LRRC8D: variants seen among roughly 807,000 people sequenced by gnomAD.
LRRC8D encodes the protein volume-regulated anion channel subunit LRRC8D.
Under a neutral mutation model 55.8 loss-of-function variants are expected in LRRC8D, and 20 were observed. That is an observed-to-expected ratio of 0.36 (90% CI 0.25 to 0.52). The LOEUF is 0.52. Ranked by LOEUF, LRRC8D falls within the 20% of genes least tolerant of loss-of-function variation. LRRC8D has a pLI of 0.93. For synonymous variants in LRRC8D, 352 were observed against 377.0 expected, an observed-to-expected ratio of 0.93 and a Z score of 0.77; for missense variants, 651 against 1,030.8, an observed-to-expected ratio of 0.63 and a Z score of 5.05.
rs375812263 is a variant in LRRC8D, at chr1:89,851,513, C to CT, written c.-3+7744dup. Among the ~76,000 whole-genome samples the CT allele has an allele frequency of 9.1e-3, 1,315 of 144,138 alleles. 21 individuals are homozygous for CT. Among genetic ancestry groups the CT allele is most frequent in the African/African-American group, 0.027 (1,084 of 39,714 alleles). The allele number at this position is 144,138 out of a possible 152,430, so 94.6% of individuals were successfully genotyped here. On this transcript the variant is annotated intron_variant, in intron 2 of 2. Transcript: ENST00000337338. Reference sequence around the variant, plus strand: ...GTATTTTCCCCTTGTCTTTCTTTTTCTTTTTTTTTTTTTGAGACGAGAGTC... The same window carrying CT: ...GTATTTTCCCCTTGTCTTTCTTTTTCTTTTTTTTTTTTTTGAGACGAGAGTC...
chr1:89,935,503 G>A lies in LRRC8D; in HGVS notation c.2435G>A (p.Arg812His), dbSNP rs142018032. Residue 812 changes from arginine (R) to histidine (H), a missense_variant, in exon 3 of 3, where the codon CGC (arginine) becomes CAC (histidine). Transcript: ENST00000337338. ...QLELKGNCLD[R>H]LPAQLGQCRM... The stretch of plus-strand genomic sequence containing the variant: ...GAGCTGAAGGGGAACTGCTTGGACC[G>A]CCTGCCAGCCCAGCTGGGCCAGTGT... The A allele has an allele frequency of 9.6e-5, 155 of 1,614,220 alleles. No individual in the cohort carries two copies. In the African/African-American group the frequency reaches 1.4e-3, roughly 15 times the overall value.
intron 1 of LRRC8D, among the ~76,000 whole-genome samples, chr1:89,831,695 G>A (rs1660890321): frequency 6.6e-6 from 1 of 152,124 alleles, no homozygotes; most frequent in South Asian, 2.1e-4. Flanking sequence ...ATGTTAATGT[G>A]TACGGTGGCT....
chr1:89,861,098 G>C (rs1474052207), intron 2 of LRRC8D, among the ~76,000 whole-genome samples: 2 of 152,058 alleles, frequency 1.3e-5, no homozygotes, highest in Admixed American at 1.3e-4. Context: ...GTCCATCCTT[G>C]GCCAAGGGAG....
At chr1:89,846,374 G>A (rs755085250) in intron 2 of LRRC8D, among the ~76,000 whole-genome samples, 1 of 148,466 alleles carries the variant, frequency 6.7e-6, no homozygotes, top group Non-Finnish European at 1.5e-5. Context: ...TTTCAATGAT[G>A]TAGTGAAGTA....
chr1:89,917,880 C>T (rs2100962438), intron 2 of LRRC8D, among the ~76,000 whole-genome samples: 1 of 152,284 alleles, frequency 6.6e-6, no homozygotes, highest in African/African-American at 2.4e-5. Flanking sequence ...CAGCCTGTAC[C>T]TCTTGTTGGT....
At chr1:89,841,228 T>C (rs1661123275) in intron 1 of LRRC8D, among the ~76,000 whole-genome samples, 1 of 152,196 alleles carries the variant, frequency 6.6e-6, no homozygotes, top group South Asian at 2.1e-4. Context: ...GAGTGCCTAG[T>C]GGACAGGAAT....
chr1:89,912,920 G>GT (rs1663171553), intron 2 of LRRC8D, among the ~76,000 whole-genome samples: 1 of 152,072 alleles, frequency 6.6e-6, no homozygotes, highest in South Asian at 2.1e-4. Flanking sequence ...TATTAATTAT[G>GT]TTACCAACTA....
At chr1:89,855,106 A>C (rs1557452128) in intron 2 of LRRC8D, among the ~76,000 whole-genome samples, 2 of 151,152 alleles carry the variant, frequency 1.3e-5, no homozygotes, top group Admixed American at 1.3e-4. Context: ...CTCATTTCTC[A>C]CTCTTTGTTA....
At chr1:89,833,170 T>C (rs1660924684) in intron 1 of LRRC8D, among the ~76,000 whole-genome samples, 1 of 152,236 alleles carries the variant, frequency 6.6e-6, no homozygotes, top group African/African-American at 2.4e-5. Context: ...TACCTCAGTC[T>C]TAAAGTCAGC....
chr1:89,822,524 T>A (rs1660662955), intron 1 of LRRC8D, among the ~76,000 whole-genome samples: 1 of 152,194 alleles, frequency 6.6e-6, no homozygotes, highest in Admixed American at 6.5e-5. Flanking sequence ...CCTTGGCAGC[T>A]TTGATAGTAA....
chr1:89,839,865 C>T (rs1294257367), intron 1 of LRRC8D, among the ~76,000 whole-genome samples: 1 of 152,194 alleles, frequency 6.6e-6, no homozygotes, highest in Admixed American at 6.5e-5. Flanking sequence ...CTGATATTCA[C>T]ACAGAGAATT....
At chr1:89,897,902 T>G (rs893073103) in intron 2 of LRRC8D, among the ~76,000 whole-genome samples, 1 of 152,028 alleles carries the variant, frequency 6.6e-6, no homozygotes, top group South Asian at 2.1e-4. Context: ...TGGGACAAGG[T>G]GCATCCCGGT....
intron 2 of LRRC8D, among the ~76,000 whole-genome samples, chr1:89,922,191 G>A (rs993453807): frequency 2.6e-5 from 4 of 151,956 alleles, no homozygotes; most frequent in African/African-American, 9.7e-5. Context: ...AGCCTCCCAA[G>A]TAGCTGGGAT....
At chr1:89,841,514 G>T (rs568197045) in intron 1 of LRRC8D, among the ~76,000 whole-genome samples, 7 of 151,728 alleles carry the variant, frequency 4.6e-5, no homozygotes, top group Non-Finnish European at 1.0e-4. Context: ...TGTTATAGCA[G>T]AAGGAAACAG....
chr1:89,861,528 A>C (rs552092062), intron 2 of LRRC8D, among the ~76,000 whole-genome samples: 4 of 152,122 alleles, frequency 2.6e-5, no homozygotes, highest in Non-Finnish European at 4.4e-5. Context: ...CTTAGGGCCT[A>C]CTAGTGGTGC....
At chr1:89,914,265 C>T (rs1363654648) in intron 2 of LRRC8D, among the ~76,000 whole-genome samples, 1 of 152,144 alleles carries the variant, frequency 6.6e-6, no homozygotes, top group Non-Finnish European at 1.5e-5. Context: ...GCGGGGCCCA[C>T]CAAGCCCACG....
At chr1:89,917,756 T>C (rs1352015317) in intron 2 of LRRC8D, among the ~76,000 whole-genome samples, 9 of 152,178 alleles carry the variant, frequency 5.9e-5, no homozygotes, top group African/African-American at 2.2e-4. Context: ...TTTGAGGGGC[T>C]GTCTTTAAGA....
At chr1:89,833,799 G>A (rs968644762) in intron 1 of LRRC8D, 18 of 152,262 alleles carry the variant, frequency 1.2e-4, no homozygotes, top group African/African-American at 4.3e-4. Context: ...GGGAAGGTTT[G>A]TGTTGATCTG....
rs898212862 is a variant in LRRC8D at position 89,826,255 on chromosome 1, T to G, written c.-148+4964T>G. On this transcript the variant is annotated intron_variant, in intron 1 of 2. Coordinates refer to ENST00000337338, the MANE Select transcript of LRRC8D (RefSeq NM_001134479.2). ...AGGGATCAACCCTTAAATTTTATTT[T>G]ATTTTATTTTATTTTATTTTATTTT... Among the ~76,000 whole-genome samples, 10 of 149,782 alleles carry G rather than the reference T, an allele frequency of 6.7e-5. No individual in the cohort carries two copies. The South Asian group carries it at 1.9e-3, about 28-fold the overall frequency.
Sources: gnomAD v4.1 joint callset for allele counts (sites outside exome capture counted in the v4.1 genomes callset) on GRCh38, gnomAD v4.1.1 for gene constraint, MANE v1.5 for transcripts, NCBI Gene and HGNC (gene_info 2026-07-23, HGNC 2026-07-21) for gene names.